Variants in USP50 observed in about 807,000 individuals in gnomAD.
The protein encoded by USP50 is ubiquitin specific peptidase 50, also known as ubiquitin carboxyl-terminal hydrolase 50.
USP50 carries 37 observed loss-of-function variants against 39.2 expected under a neutral mutation model. That is an observed-to-expected ratio of 0.94 (90% CI 0.73 to 1.24). USP50 has a LOEUF of 1.24. Among genes scored for constraint, USP50 ranks in the 50% most tolerant of loss-of-function variants. The pLI is 0.00. For missense variants in USP50, 374 were observed against 398.2 expected (o/e 0.94, Z 0.52); for synonymous variants, 139 against 144.5 (o/e 0.96, Z 0.27).
chr15:50,530,571 G>A (rs146419369), intron 5 of USP50, among the ~76,000 whole-genome samples: 4,694 of 151,902 alleles, frequency 0.031, 238 homozygotes, highest in African/African-American at 0.11. Context: ...GTGACAGAGC[G>A]AGACTCCTTT....
downstream of USP50, chr15:50,497,318 G>A: frequency 6.8e-7 from 1 of 1,467,652 alleles, no homozygotes; most frequent in East Asian, 2.4e-5. Context: ...TGTACTGCCT[G>A]CCATGGGCAC....
chr15:50,531,601 G>C (rs2052941345), intron 5 of USP50, among the ~76,000 whole-genome samples: 1 of 152,146 alleles, frequency 6.6e-6, no homozygotes, highest in African/African-American at 2.4e-5. Context: ...TTATATGTTG[G>C]TTGTAATGGT....
At chr15:50,546,336 TC>T (rs1165244975) in intron 1 of USP50, 136 bp downstream of exon 1, 2 of 775,638 alleles carry the variant, frequency 2.6e-6, no homozygotes, top group Non-Finnish European at 4.3e-6. Context: ...GGTACAATCT[TC>T]CTTCCTTTCC....
At chr15:50,493,939 C>T, downstream of USP50, 1 of 1,082,388 alleles carries the variant, frequency 9.2e-7, no homozygotes, top group Non-Finnish European at 1.4e-6. Flanking sequence ...GGTGAGCCTG[C>T]AAATAAATAA....
At chr15:50,525,223 A>G (rs2052879023) in intron 6 of USP50, among the ~76,000 whole-genome samples, 1 of 152,164 alleles carries the variant, frequency 6.6e-6, no homozygotes, top group Non-Finnish European at 1.5e-5. Context: ...TATTGAACTC[A>G]CTGAAGTAGA....
At chr15:50,535,806 G>A (rs1051133822) in intron 5 of USP50, among the ~76,000 whole-genome samples, 3 of 151,936 alleles carry the variant, frequency 2.0e-5, no homozygotes, top group Non-Finnish European at 4.4e-5. Context: ...TTTATCCCAG[G>A]TATGCAAAGC....
chr15:50,497,293 G>A, downstream of USP50: 1 of 1,540,424 alleles, frequency 6.5e-7, no homozygotes. Flanking sequence ...TAAGTTCTGT[G>A]TAATTTATAC....
chr15:50,521,017 A>C (rs1241577487), intron 6 of USP50, among the ~76,000 whole-genome samples: 1 of 152,154 alleles, frequency 6.6e-6, no homozygotes, highest in African/African-American at 2.4e-5. Context: ...GAGGTGATGG[A>C]AACCTTAAAT....
At chr15:50,501,463 G>GAC (rs1157334291) in intron 6 of USP50, 2 of 151,974 alleles carry the variant, frequency 1.3e-5, no homozygotes, top group Non-Finnish European at 2.9e-5. Context: ...GACAGAGTGA[G>GAC]ACCCTGTCTT....
At chr15:50,493,084 T>G, downstream of USP50, 2 of 748,702 alleles carry the variant, frequency 2.7e-6, no homozygotes, top group South Asian at 2.9e-5. Context: ...GGCCATCGTC[T>G]AGGTGCCGGC....
intron 6 of USP50, among the ~76,000 whole-genome samples, chr15:50,517,679 TA>T (rs1402713526): frequency 6.6e-6 from 1 of 152,112 alleles, no homozygotes; most frequent in Non-Finnish European, 1.5e-5. Flanking sequence ...AATGGAGACA[TA>T]ACATACAAAA....
chr15:50,493,254 T>G, downstream of USP50: 1 of 513,704 alleles, frequency 1.9e-6, no homozygotes, highest in Non-Finnish European at 3.8e-6. Flanking sequence ...CTCTTAATCC[T>G]GTCACATTGG....
At chr15:50,528,065 GT>G (rs57802702) in intron 6 of USP50, among the ~76,000 whole-genome samples, 45,168 of 125,970 alleles carry the variant, frequency 0.36, 7,843 homozygotes, top group Non-Finnish European at 0.39. Flanking sequence ...AAAGAACTAA[GT>G]TTTTTTTTTT....
intron 3 of USP50, among the ~76,000 whole-genome samples, chr15:50,542,243 T>C (rs528913674): frequency 1.8e-4 from 28 of 152,198 alleles, no homozygotes; most frequent in African/African-American, 6.5e-4. Context: ...TGGCTCTAAT[T>C]TGGGGCTGTG....
At chr15:50,516,556 G>A (rs149500469) in intron 6 of USP50, among the ~76,000 whole-genome samples, 29 of 152,268 alleles carry the variant, frequency 1.9e-4, no homozygotes, top group Admixed American at 1.8e-3. Flanking sequence ...GGCGGAGGTT[G>A]CAGTGAGCCA....
intron 6 of USP50, among the ~76,000 whole-genome samples, chr15:50,523,826 C>A (rs538280314): frequency 4.5e-4 from 68 of 152,236 alleles, no homozygotes; most frequent in African/African-American, 1.6e-3. Flanking sequence ...ATTGCCAAAA[C>A]AATCAGGCCA....
chr15:50,500,321 C>A (rs1305346350), downstream of USP50: 1 of 153,840 alleles, frequency 6.5e-6, no homozygotes, highest in East Asian at 1.9e-4. Context: ...TCATGAGTAT[C>A]TTTGGAAAAT....
At chr15:50,501,124 A>G in intron 6 of USP50, 1 of 322,566 alleles carries the variant, frequency 3.1e-6, no homozygotes, top group Non-Finnish European at 6.0e-6. Flanking sequence ...TTAGCACTTA[A>G]TATACATCAA....
chr15:50,524,779 T>C (rs2052875591), intron 6 of USP50, among the ~76,000 whole-genome samples: 1 of 152,134 alleles, frequency 6.6e-6, no homozygotes, highest in Non-Finnish European at 1.5e-5. Flanking sequence ...GAGGCTGAAG[T>C]GGGAGGAACG....
Sources: allele counts gnomAD v4.1 joint callset (sites outside exome capture counted in the v4.1 genomes callset), GRCh38; gene constraint gnomAD v4.1.1; transcripts MANE v1.5; gene names NCBI Gene and HGNC (gene_info 2026-07-23, HGNC 2026-07-21).